Variants in KLHL5 observed in about 807,000 individuals in gnomAD.
KLHL5 encodes the protein kelch-like protein 5.
KLHL5 carries 48 observed loss-of-function variants against 77.7 expected under a neutral mutation model. That is an observed-to-expected ratio of 0.62 (90% confidence interval 0.49 to 0.79). The LOEUF is 0.79. KLHL5 is among the 30% of genes least tolerant of loss of function. KLHL5 has a pLI of 0.00. For missense variants in KLHL5, 723 were observed against 859.7 expected, an observed-to-expected ratio of 0.84 and a Z score of 1.99; for synonymous variants, 260 against 297.0, an observed-to-expected ratio of 0.88 and a Z score of 1.28.
rs906061555 is a variant in KLHL5, at chr4:39,123,369, C to T, written c.*2303C>T. Among the ~76,000 whole-genome samples the T allele has an allele frequency of 1.3e-5, 2 of 152,270 alleles. No individual in the cohort carries two copies. Among genetic ancestry groups the T allele is most frequent in the African/African-American group, 4.8e-5 (2 of 41,554 alleles). On this transcript the variant is annotated 3_prime_UTR_variant, in exon 11 of 11. Transcript: ENST00000504108. ...GAGCACCCTGTGACATTCTATAAGG[C>T]GGACATTACCTTAACACCAAAGCCA...
At position 39,124,760 on chromosome 4, in the gene KLHL5, A is replaced by G. The variant is rs1020751606; in HGVS notation, c.*3694A>G. Reference sequence around the variant, plus strand: ...AATCTTCATGACCTTGGATTTGGCAATGGTTTCTTAGATATGGCACCAAAA... The same window carrying G: ...AATCTTCATGACCTTGGATTTGGCAGTGGTTTCTTAGATATGGCACCAAAA... On this transcript the variant is annotated 3_prime_UTR_variant, in exon 11 of 11. Transcript: ENST00000504108. Among the ~76,000 whole-genome samples the G allele has an allele frequency of 1.5e-4, 19 of 130,698 alleles. No homozygotes were observed. The highest frequency in any genetic ancestry group is 5.0e-4 in the African/African-American group (19 of 37,658). 85.7% of individuals were successfully genotyped at this position (130,698 alleles called of 152,430 possible).
intron 1 of KLHL5, among the ~76,000 whole-genome samples, chr4:39,048,474 G>T (rs1057202846): frequency 2.6e-5 from 4 of 152,074 alleles, no homozygotes; most frequent in Non-Finnish European, 5.9e-5. Context: ...ACATCCTGTT[G>T]ATTTTAAACA....
Position 39,123,014 on chromosome 4 carries a change from CAATAT to C in KLHL5, c.*1955_*1959del, listed in dbSNP as rs1016793021. The stretch of plus-strand genomic sequence containing the variant: ...ATGTTTTGATTTAGAAAAGTAGATG[CAATAT>C]AATATATTTCAAGTTTTATACATAT... On this transcript the variant is annotated 3_prime_UTR_variant, in exon 11 of 11. Coordinates refer to ENST00000504108, the MANE Select transcript of KLHL5 (RefSeq NM_015990.5). Among the ~76,000 whole-genome samples the C allele has an allele frequency of 2.4e-4, 37 of 152,090 alleles. No individual in the cohort carries two copies. The East Asian group carries it at 7.1e-3, about 29-fold the overall frequency.
chr4:39,045,128 G>A, intron 1 of KLHL5: 1 of 984,562 alleles, frequency 1.0e-6, no homozygotes, highest in Non-Finnish European at 1.2e-6. Context: ...GCATCGGGGA[G>A]GGGGCCGCCT....
rs1355900508 is a variant in KLHL5, at chr4:39,062,913, CT to C, written c.262del (p.Ser88LeufsTer81). The C allele has an allele frequency of 6.2e-7, 1 of 1,614,182 alleles. No individual in the cohort carries two copies. Among genetic ancestry groups the C allele is most frequent in the Non-Finnish European group, 8.5e-7 (1 of 1,180,020 alleles). ...CACCTTCTTGGCCAATGGCATCCAC[CT>C]CTGAAGTCCCTGCATTTGAGTTTAC... is the stretch of plus-strand genomic sequence containing the variant. Reference protein sequence around the residue: ...NSPSWPMASTSEVPAFEFTAE... With the variant: ...NSPSWPMASTXEVPAFEFTAE... On this transcript the variant is annotated frameshift_variant, in exon 1 of 11. Coordinates refer to ENST00000504108, the MANE Select transcript of KLHL5 (RefSeq NM_015990.5). LOFTEE classifies it high-confidence loss of function.
Position 39,103,519 on chromosome 4 carries a change from C to G in KLHL5, c.1525+8C>G. ...CACATAGACATGGCCTTGGTAAGTA[C>G]AACTATGCAGATTCACTCAAAATAT... On this transcript the variant is annotated splice_region_variant and intron_variant, in intron 7 of 10. Coordinates refer to ENST00000504108, the MANE Select transcript of KLHL5 (RefSeq NM_015990.5). The G allele has an allele frequency of 6.2e-7, 1 of 1,603,532 alleles. No individual in the cohort carries two copies. Among genetic ancestry groups the G allele is most frequent in the Non-Finnish European group, 8.5e-7 (1 of 1,170,476 alleles).
chr4:39,142,545 C>T, the KLHL5 span, among the ~76,000 whole-genome samples: 5 of 152,106 alleles, frequency 3.3e-5, no homozygotes, highest in African/African-American at 1.2e-4. Flanking sequence ...TGGACTCATC[C>T]TATGATCCAG....
chr4:39,066,062 T>G (rs1271649879), intron 1 of KLHL5, among the ~76,000 whole-genome samples: 2 of 152,244 alleles, frequency 1.3e-5, no homozygotes, highest in African/African-American at 2.4e-5. Flanking sequence ...GCCATCCACC[T>G]AAGTGATTTA....
intron 1 of KLHL5, among the ~76,000 whole-genome samples, chr4:39,048,594 G>A (rs1028463000): frequency 2.1e-5 from 3 of 146,096 alleles, no homozygotes; most frequent in African/African-American, 5.1e-5. Context: ...ACATGCTTCC[G>A]CAGTTGTTAG....
At chr4:39,120,396 A>G (rs7655122) in intron 10 of KLHL5, 80,227 of 152,070 alleles carry the variant, frequency 0.53, 21,715 homozygotes, top group Non-Finnish European at 0.6. Flanking sequence ...ACTGTAATAG[A>G]GCTCATTCAC....
chr4:39,073,633 A>G lies in KLHL5; in HGVS notation c.384-2332A>G, dbSNP rs138497429. Among the ~76,000 whole-genome samples the G allele has an allele frequency of 5.9e-3, 901 of 151,794 alleles. 2 individuals carry two copies. The highest frequency in any genetic ancestry group is 0.01 in the Middle Eastern group (3 of 294). ...AAAAAATATTTTAAATCTTCAAGTT[A>G]TTATTATTTTTATTTATTTATTTAT... On this transcript the variant is annotated intron_variant, in intron 1 of 10. Coordinates refer to ENST00000504108, the MANE Select transcript of KLHL5 (RefSeq NM_015990.5).
chr4:39,127,599 A>T (rs1384371875), downstream of KLHL5, among the ~76,000 whole-genome samples: 1 of 151,918 alleles, frequency 6.6e-6, no homozygotes, highest in East Asian at 1.9e-4. Flanking sequence ...GACTACAGGC[A>T]TGCACCACCA....
intron 5 of KLHL5, among the ~76,000 whole-genome samples, chr4:39,093,675 G>C (rs1720796960): frequency 6.6e-6 from 1 of 152,200 alleles, no homozygotes; most frequent in Non-Finnish European, 1.5e-5. Context: ...GGAGGCCAAG[G>C]TGGGAGGATC....
rs1722581126 is a variant in KLHL5, at chr4:39,113,164, G to A, written c.1833G>A (p.Leu611=). Residue 611 remains leucine (L), a synonymous_variant, in exon 9 of 11, where the codon CTG becomes CTA. Transcript: ENST00000504108. ...GVGVTTWNGL[L]YAIGGHDAPA... ...GAGTGACGACCTGGAATGGACTGCT[G>A]TATGCTATAGGGGGGCACGATGCTC... 6 of 1,614,142 alleles carry A rather than the reference G, an allele frequency of 3.7e-6. No individual in the cohort carries two copies. The highest frequency in any genetic ancestry group is 1.1e-5 in the South Asian group (1 of 91,080).
At chr4:39,077,172 T>C (rs1482030544) in intron 2 of KLHL5, among the ~76,000 whole-genome samples, 1 of 151,564 alleles carries the variant, frequency 6.6e-6, no homozygotes, top group African/African-American at 2.4e-5. Context: ...TATGAAAACA[T>C]ATTTGGCCGG....
rs749850216 is a variant in KLHL5 at position 39,107,684 on chromosome 4, T to C, written c.1641T>C (p.Thr547=). 1.6e-5 allele frequency: 26 copies of C among 1,612,994 alleles called. No homozygotes were observed. The East Asian group carries it at 5.8e-4, about 36-fold the overall frequency. ...PQARQWNFVA[T]MSTPRSTVGV... ...CTCGCCAGTGGAATTTTGTTGCCAC[T>C]ATGTCTACCCCTAGGAGTACAGTAG... The change falls in exon 8 of 11, where the codon ACT becomes ACC. Residue 547 remains threonine, a synonymous_variant. Transcript: ENST00000504108.
At position 39,121,636 on chromosome 4, in the gene KLHL5, G is replaced by C. The variant is rs1444450517; in HGVS notation, c.*570G>C. The C allele has an allele frequency of 6.5e-6, 1 of 152,744 alleles. No homozygotes were observed. Among genetic ancestry groups the C allele is most frequent in the East Asian group, 1.9e-4 (1 of 5,210 alleles). The allele number at this position is 152,744 out of a possible 1,614,324, so 9.5% of individuals were successfully genotyped here. A position where few individuals can be genotyped will look rare whatever the true frequency, so the allele number is the denominator to read the frequency against. On this transcript the variant is annotated 3_prime_UTR_variant, in exon 11 of 11. Transcript: ENST00000504108. ...GGCTTAGTCCAATAAATAAAGAAAA[G>C]CATTAAGGACTTAAAGCAACAATAA...
intron 8 of KLHL5, among the ~76,000 whole-genome samples, chr4:39,112,249 T>C (rs1722500295): frequency 6.6e-6 from 1 of 152,236 alleles, no homozygotes; most frequent in African/African-American, 2.4e-5. Context: ...ATTGATCTAC[T>C]AGGTAACATT....
intron 1 of KLHL5, among the ~76,000 whole-genome samples, chr4:39,075,531 T>C (rs1252737449): frequency 2.6e-5 from 4 of 152,198 alleles, no homozygotes; most frequent in African/African-American, 4.8e-5. Flanking sequence ...TATGACAATA[T>C]ATTTTTTAAT....
Sources: gnomAD v4.1 joint callset for allele counts (sites outside exome capture counted in the v4.1 genomes callset) on GRCh38, gnomAD v4.1.1 for gene constraint, MANE v1.5 for transcripts, NCBI Gene and HGNC (gene_info 2026-07-23, HGNC 2026-07-21) for gene names.